The following EMSY variants were observed in gnomAD, a reference collection of about 807,000 sequenced individuals.
EMSY encodes BRCA2-interacting transcriptional repressor EMSY.
A neutral mutation model predicts 134.6 loss-of-function variants in EMSY; 26 were observed. The observed-to-expected ratio is 0.19, with a 90% CI of 0.14 to 0.27. The LOEUF is 0.27. Among genes scored for constraint, EMSY ranks in the 10% least tolerant of loss-of-function variants. The pLI, the probability that EMSY is intolerant of heterozygous loss-of-function variation, is 1.00. For synonymous variants in EMSY, 579 were observed against 577.8 expected, an observed-to-expected ratio of 1.00 and a Z score of -0.03; for missense variants, 1,305 against 1,611.4, an observed-to-expected ratio of 0.81 and a Z score of 3.26.
At position 76,505,780 on chromosome 11, in the gene EMSY, C is replaced by G. The variant is rs555501933; in HGVS notation, c.1364-7606C>G. 2.6e-5 allele frequency among the ~76,000 whole-genome samples: 4 copies of G among 152,098 alleles called. No homozygotes were observed. The South Asian group carries it at 8.3e-4, about 32-fold the overall frequency. ...GCTGAGGCAGGAGAATCGCGTGAACCCGGGGGGTGGAGCTTGCAGTGAACC... is the reference window on the plus strand; with the variant it reads ...GCTGAGGCAGGAGAATCGCGTGAACGCGGGGGGTGGAGCTTGCAGTGAACC... On this transcript the variant is annotated intron_variant, in intron 9 of 20. Coordinates refer to ENST00000334736, the Ensembl canonical transcript of EMSY.
exon 8 of EMSY, chr11:76,472,785 A>G (rs1379893596): frequency 6.2e-7 from 1 of 1,614,014 alleles, no homozygotes; most frequent in South Asian, 1.1e-5. Context: ...ATACAGTTGC[A>G]GTAACAGCTG....
At chr11:76,521,398 T>C (rs1402187154) in intron 11 of EMSY, among the ~76,000 whole-genome samples, 5 of 152,206 alleles carry the variant, frequency 3.3e-5, no homozygotes, top group African/African-American at 1.2e-4. Context: ...TGCTAAGCAC[T>C]GAGGAATCAT....
chr11:76,458,500 A>AG, intron 5 of EMSY, 142 bp downstream of exon 6: 8 of 837,054 alleles, frequency 9.6e-6, no homozygotes, highest in Non-Finnish European at 1.3e-5. Flanking sequence ...TCTAATTCTG[A>AG]AATTAGACTG....
At chr11:76,450,848 C>T (rs748739851) in intron 2 of EMSY, among the ~76,000 whole-genome samples, 8 of 147,410 alleles carry the variant, frequency 5.4e-5, no homozygotes, top group African/African-American at 7.6e-5. Context: ...GGCTGGAGTG[C>T]GGTGGCATGA....
At chr11:76,447,052 T>C in intron 2 of EMSY, 44 bp downstream of exon 2, 3 of 1,590,090 alleles carry the variant, frequency 1.9e-6, no homozygotes, top group South Asian at 1.1e-5. Flanking sequence ...CTGATACCTT[T>C]TTTCCCTTTC....
exon 21 of EMSY, chr11:76,550,082 T>C: frequency 3.1e-6 from 5 of 1,613,846 alleles, no homozygotes; most frequent in Non-Finnish European, 4.2e-6. Context: ...GAGCAGGACA[T>C]AGACAGTAGC....
intron 9 of EMSY, among the ~76,000 whole-genome samples, chr11:76,500,495 C>G (rs926236955): frequency 3.3e-5 from 5 of 152,100 alleles, no homozygotes; most frequent in Non-Finnish European, 5.9e-5. Flanking sequence ...AGAGAAGAAG[C>G]AGATAATATA....
At chr11:76,458,263 A>G (rs1192623978) in exon 5 of EMSY, 1 of 1,614,088 alleles carries the variant, frequency 6.2e-7, no homozygotes. Context: ...CTCGTTCCCC[A>G]AACCGCCTTT....
chr11:76,465,088 G>A (rs1013437738), intron 7 of EMSY, among the ~76,000 whole-genome samples: 26 of 151,972 alleles, frequency 1.7e-4, no homozygotes, highest in African/African-American at 6.3e-4. Context: ...ATACTCAGTG[G>A]GCCCTTTTAT....
At chr11:76,511,143 T>C (rs562513776) in intron 9 of EMSY, among the ~76,000 whole-genome samples, 1 of 152,302 alleles carries the variant, frequency 6.6e-6, no homozygotes, top group East Asian at 1.9e-4. Context: ...GACTGTAGAA[T>C]TCTCCAATGC....
intron 8 of EMSY, among the ~76,000 whole-genome samples, chr11:76,490,157 C>G (rs1026054501): frequency 1.3e-5 from 2 of 150,774 alleles, no homozygotes; most frequent in African/African-American, 4.9e-5. Flanking sequence ...CTTTTCCAGT[C>G]TTCTTTTATT....
rs144202789 is a variant in EMSY, at chr11:76,540,250, T to C, written c.2557+610T>C. Among the ~76,000 whole-genome samples the C allele has an allele frequency of 1.9e-3, 292 of 152,308 alleles. 3 individuals carry two copies. Among genetic ancestry groups the C allele is most frequent in the African/African-American group, 6.9e-3 (285 of 41,578 alleles). ...ATTTCATCTGAAATGTATTTTTTAT[T>C]TTCACATGTCATTCATTTCTGATGC... On this transcript the variant is annotated intron_variant, in intron 17 of 20. Coordinates refer to ENST00000334736, the Ensembl canonical transcript of EMSY.
intron 8 of EMSY, among the ~76,000 whole-genome samples, chr11:76,489,894 C>T (rs898464704): frequency 1.3e-5 from 2 of 152,134 alleles, no homozygotes; most frequent in African/African-American, 2.4e-5. Context: ...CACAAGCCAC[C>T]GTGCCCGGCC....
intron 4 of EMSY, among the ~76,000 whole-genome samples, chr11:76,457,212 G>C (rs1181729129): frequency 6.6e-6 from 1 of 152,144 alleles, no homozygotes; most frequent in Non-Finnish European, 1.5e-5. Flanking sequence ...CTAAATCTGA[G>C]AATGGGTGGA....
At chr11:76,470,653 C>A (rs2135320321) in intron 7 of EMSY, among the ~76,000 whole-genome samples, 2 of 152,150 alleles carry the variant, frequency 1.3e-5, no homozygotes, top group East Asian at 3.9e-4. Context: ...TCACTGCTTC[C>A]CCTCTTGCCT....
chr11:76,476,354 A>G (rs1948769313), intron 8 of EMSY, among the ~76,000 whole-genome samples: 1 of 152,142 alleles, frequency 6.6e-6, no homozygotes, highest in South Asian at 2.1e-4. Flanking sequence ...GCCTAGATCT[A>G]TTATTTTATT....
exon 2 of EMSY, chr11:76,446,999 C>G: frequency 6.2e-7 from 1 of 1,613,310 alleles, no homozygotes; most frequent in Non-Finnish European, 8.5e-7. Context: ...AAGAATTCTT[C>G]GAAAATTGGG....
At chr11:76,549,883 G>C (rs1247391860) in intron 20 of EMSY, 69 bp from the exon 22 acceptor site, 4 of 1,030,086 alleles carry the variant, frequency 3.9e-6, no homozygotes, top group Non-Finnish European at 5.4e-6. Flanking sequence ...TTTTTTTCTT[G>C]ATATTGTTGG....
At chr11:76,507,903 C>T (rs1316251568) in intron 9 of EMSY, among the ~76,000 whole-genome samples, 1 of 139,564 alleles carries the variant, frequency 7.2e-6, no homozygotes, top group Non-Finnish European at 1.5e-5. Context: ...CATAGTCTGT[C>T]AGCCAGGCTG....
Sources: allele counts gnomAD v4.1 joint callset (sites outside exome capture counted in the v4.1 genomes callset), GRCh38; gene constraint gnomAD v4.1.1; transcripts MANE v1.5; gene names NCBI Gene and HGNC (gene_info 2026-07-23, HGNC 2026-07-21).